Variants in COL14A1 observed in about 807,000 individuals in gnomAD.
The protein encoded by COL14A1 is collagen alpha-1(XIV) chain.
A neutral mutation model predicts 230.3 loss-of-function variants in COL14A1; 136 were observed. The observed-to-expected ratio is 0.59, with a 90% CI of 0.51 to 0.68. The LOEUF (loss-of-function observed/expected upper bound fraction) is 0.68, where lower values mean the gene tolerates loss of function less well. Ranked by LOEUF, COL14A1 falls within the 30% of genes least tolerant of loss-of-function variation. The pLI, the probability that COL14A1 is intolerant of heterozygous loss-of-function variation, is 0.00. For missense variants in COL14A1, 1,976 were observed against 2,215.8 expected, an observed-to-expected ratio of 0.89 and a Z score of 2.17; for synonymous variants, 792 against 784.1, an observed-to-expected ratio of 1.01 and a Z score of -0.17.
At chr8:120,309,633 T>C (rs1462367533) in intron 36 of COL14A1, among the ~76,000 whole-genome samples, 1 of 152,196 alleles carries the variant, frequency 6.6e-6, no homozygotes, top group East Asian at 1.9e-4. Context: ...TACAATTTAA[T>C]TGGATCATCT....
At chr8:120,345,023 G>A (rs1822448439) in intron 44 of COL14A1, among the ~76,000 whole-genome samples, 1 of 152,132 alleles carries the variant, frequency 6.6e-6, no homozygotes, top group African/African-American at 2.4e-5. Context: ...ATAACTTGGG[G>A]AGTAATTGCT....
intron 26 of COL14A1, among the ~76,000 whole-genome samples, chr8:120,276,567 A>G (rs1186343295): frequency 2.0e-5 from 3 of 151,714 alleles, no homozygotes; most frequent in Non-Finnish European, 4.4e-5. Flanking sequence ...ATTCCCACCT[A>G]TGAGTGAGAA....
At chr8:120,307,064 T>G (rs1820877322) in intron 36 of COL14A1, among the ~76,000 whole-genome samples, 1 of 152,186 alleles carries the variant, frequency 6.6e-6, no homozygotes, top group African/African-American at 2.4e-5. Context: ...AGAAGGCAAA[T>G]GAGGCTGCTA....
In COL14A1 at chr8:120,244,013, G is replaced by A; in HGVS notation, c.2479+5G>A. On this transcript the variant is annotated splice_donor_5th_base_variant and intron_variant, in intron 20 of 47. Transcript: ENST00000297848. ...TCTCCGCTCCTGGAAAAACCTGTAAGTGAAGCTTTCTCCCTTTGAATACAA... is the reference window on the plus strand; with the variant it reads ...TCTCCGCTCCTGGAAAAACCTGTAAATGAAGCTTTCTCCCTTTGAATACAA... The A allele has an allele frequency of 6.2e-7, 1 of 1,610,008 alleles. No individual in the cohort carries two copies.
rs1160825482 is a variant in COL14A1 at position 120,208,234 on chromosome 8, G to A, written c.1194G>A (p.Val398=). 1 of 1,608,134 alleles carries A rather than the reference G, an allele frequency of 6.2e-7. No homozygotes were observed. The highest frequency in any genetic ancestry group is 1.7e-5 in the Admixed American group (1 of 59,872). The part of the protein sequence containing the change: ...YPTRGGKPDE[V]VVDGTVSSTV... ...TACTCAAACTGTTCTTTAAACAGGT[G>A]GTGGTAGATGGAACTGTATCTTCCA... The change falls in exon 11 of 48, where the codon GTG becomes GTA. Residue 398 remains valine, a splice_region_variant and synonymous_variant. Transcript: ENST00000297848.
rs200065784 is a variant in COL14A1, at chr8:120,300,733, G to C, written c.4316G>C (p.Arg1439Thr). The stretch of plus-strand genomic sequence containing the variant: ...TGTGCTTTTTTTGTTTCTTTTCAGA[G>C]AGATGATGAGTCTTGCCCAGACCTT... Reference protein sequence around the residue: ...TDKCCELPGLRDDESCPDLPH... With the variant: ...TDKCCELPGLTDDESCPDLPH... Residue 1439 changes from arginine (R) to threonine (T), a missense_variant and splice_region_variant, in exon 36 of 48, where the codon AGA (arginine) becomes ACA (threonine). This residue lies in a region of COL14A1 where 1,791 missense variants were observed against 2,019.5 expected (regional missense o/e 0.89). Transcript: ENST00000297848. The C allele has an allele frequency of 6.2e-7, 1 of 1,612,034 alleles. No individual in the cohort carries two copies. Among genetic ancestry groups the C allele is most frequent in the Non-Finnish European group, 8.5e-7 (1 of 1,178,970 alleles).
chr8:120,199,536 C>T lies in COL14A1; in HGVS notation c.847C>T (p.Arg283Cys), dbSNP rs1270185548. ...DDIIPPSRNL[R>C]ESGVELFAIG... is the part of the protein sequence containing the mutation. ...CATTATTCCACCATCTAGAAATCTT[C>T]GTGAGTCTGGTGTAGAACTGTTTGC... Residue 283 changes from arginine (R) to cysteine (C), a missense_variant, in exon 8 of 48, where the codon CGT (arginine) becomes TGT (cysteine). Physicochemically the swap from Arg to Cys is radical, Grantham distance 180. Coordinates refer to ENST00000297848, the MANE Select transcript of COL14A1 (RefSeq NM_021110.4). The T allele has an allele frequency of 6.2e-7, 1 of 1,612,684 alleles. No homozygotes were observed. The highest frequency in any genetic ancestry group is 1.3e-5 in the African/African-American group (1 of 74,800).
intron 2 of COL14A1, among the ~76,000 whole-genome samples, chr8:120,153,478 C>T (rs1815356413): frequency 6.6e-6 from 1 of 152,164 alleles, no homozygotes; most frequent in Non-Finnish European, 1.5e-5. Context: ...AGCCACTGTA[C>T]CCCGCCAATA....
chr8:120,186,614 C>T (rs1816660639), intron 5 of COL14A1, among the ~76,000 whole-genome samples: 2 of 152,190 alleles, frequency 1.3e-5, no homozygotes, highest in Admixed American at 6.5e-5. Context: ...AGGCAGGCCA[C>T]TTTGATACAA....
intron 2 of COL14A1, among the ~76,000 whole-genome samples, chr8:120,149,532 C>T (rs999596309): frequency 5.3e-5 from 8 of 152,200 alleles, no homozygotes; most frequent in African/African-American, 9.6e-5. Context: ...AAACAAAGGG[C>T]GGGCAAGTTG....
intron 43 of COL14A1, 124 bp downstream of exon 43, chr8:120,341,484 C>A: frequency 9.5e-7 from 1 of 1,057,244 alleles, no homozygotes; most frequent in Non-Finnish European, 1.4e-6. Flanking sequence ...GTCTCTGTTT[C>A]TCCCTTTCCC....
intron 35 of COL14A1, among the ~76,000 whole-genome samples, chr8:120,298,247 G>A (rs1348918945): frequency 1.3e-5 from 2 of 151,796 alleles, no homozygotes; most frequent in East Asian, 1.9e-4. Flanking sequence ...AGACTACCTT[G>A]AGCCTGTCAT....
At chr8:120,240,393 G>T (rs1178050503) in intron 19 of COL14A1, among the ~76,000 whole-genome samples, 3 of 152,158 alleles carry the variant, frequency 2.0e-5, no homozygotes, top group Non-Finnish European at 2.9e-5. Context: ...AATGTGTTAT[G>T]ACTGGAGACA....
At chr8:120,129,671 G>T (rs1311372248) in intron 1 of COL14A1, among the ~76,000 whole-genome samples, 6 of 152,144 alleles carry the variant, frequency 3.9e-5, no homozygotes, top group Non-Finnish European at 8.8e-5. Flanking sequence ...CTATGGCATG[G>T]GAGAAGAAAA....
chr8:120,142,780 C>A (rs1235490560), intron 1 of COL14A1, among the ~76,000 whole-genome samples: 3 of 151,970 alleles, frequency 2.0e-5, no homozygotes, highest in Admixed American at 6.5e-5. Context: ...GTATATGGGT[C>A]TCCCTTTTAT....
Position 120,278,220 on chromosome 8 carries a change from GA to G in COL14A1, c.3326del (p.Asn1109IlefsTer33). 1 of 1,606,796 alleles carries G rather than the reference GA, an allele frequency of 6.2e-7. No individual in the cohort carries two copies. The highest frequency in any genetic ancestry group is 8.5e-7 in the Non-Finnish European group (1 of 1,177,578). On this transcript the variant is annotated frameshift_variant, in exon 27 of 48. Coordinates refer to ENST00000297848, the MANE Select transcript of COL14A1 (RefSeq NM_021110.4). LOFTEE classifies it high-confidence loss of function. ...DAIKHISYKG[G>X]NTKTGKAIKY... ...ATTAAACACATTTCATACAAAGGAG[GA>G]AATACAAAAACAGGTATGACCAAAA...
chr8:120,369,079 G>A (rs887890766), intron 46 of COL14A1, among the ~76,000 whole-genome samples: 7 of 152,210 alleles, frequency 4.6e-5, no homozygotes, highest in Admixed American at 3.9e-4. Flanking sequence ...AGAGGAAATA[G>A]AAAAGATGCA....
In COL14A1 at chr8:120,254,221, G is replaced by A. The variant is rs16893750; in HGVS notation, c.2753-1019G>A. 2.6e-3 allele frequency among the ~76,000 whole-genome samples: 399 copies of A among 152,208 alleles called. 4 individuals are homozygous for A. The highest frequency in any genetic ancestry group is 8.8e-3 in the African/African-American group (366 of 41,546). On this transcript the variant is annotated intron_variant, in intron 22 of 47. Coordinates refer to ENST00000297848, the MANE Select transcript of COL14A1 (RefSeq NM_021110.4). ...GGAAAAGTAAATATGTTGATTTTCT[G>A]CTTGGATCCAAATGATAAACACTGG...
At chr8:120,185,993 G>A (rs564809280) in intron 5 of COL14A1, among the ~76,000 whole-genome samples, 4 of 152,044 alleles carry the variant, frequency 2.6e-5, no homozygotes, top group South Asian at 2.1e-4. Flanking sequence ...GTCTGGTCTC[G>A]AACTCCTGAC....
Sources: gnomAD v4.1 joint callset for allele counts (sites outside exome capture counted in the v4.1 genomes callset) on GRCh38, gnomAD v4.1.1 for gene constraint, gnomAD v4.1.1 regional missense constraint, MANE v1.5 for transcripts, NCBI Gene and HGNC (gene_info 2026-07-23, HGNC 2026-07-21) for gene names.